Variants in SLCO2A1 observed in about 807,000 individuals in gnomAD.
The protein encoded by SLCO2A1 is solute carrier organic anion transporter family member 2A1.
Under a neutral mutation model 71.7 loss-of-function variants are expected in SLCO2A1, and 60 were observed. The ratio of observed to expected loss-of-function variants is 0.84; its 90% confidence interval spans 0.68 to 1.04. The LOEUF (loss-of-function observed/expected upper bound fraction) is 1.04, where lower values mean the gene tolerates loss of function less well. SLCO2A1 is among the 50% of genes least tolerant of loss of function. The pLI is 0.00. For synonymous variants in SLCO2A1, 308 were observed against 326.7 expected, an observed-to-expected ratio of 0.94 and a Z score of 0.62; for missense variants, 745 against 813.4, an observed-to-expected ratio of 0.92 and a Z score of 1.02.
intron 3 of SLCO2A1, among the ~76,000 whole-genome samples, chr3:133,969,197 C>T (rs568359403): frequency 1.4e-4 from 21 of 152,212 alleles, no homozygotes; most frequent in Admixed American, 1.3e-3. Context: ...TTTGGGAGGC[C>T]GAGGTGGGTG....
At chr3:133,997,684 T>A (rs978536060) in intron 1 of SLCO2A1, among the ~76,000 whole-genome samples, 8 of 152,216 alleles carry the variant, frequency 5.3e-5, no homozygotes, top group Admixed American at 1.3e-4. Flanking sequence ...TCCAGAACTG[T>A]GAGAGAATAC....
At chr3:133,998,329 T>C (rs564433642) in intron 1 of SLCO2A1, among the ~76,000 whole-genome samples, 1 of 152,366 alleles carries the variant, frequency 6.6e-6, no homozygotes, top group Non-Finnish European at 1.5e-5. Context: ...AATTCGTCTG[T>C]TACTCAGTTA....
intron 8 of SLCO2A1, 119 bp from the exon 9 acceptor site, chr3:133,947,564 G>T: frequency 1.2e-6 from 1 of 826,358 alleles, no homozygotes; most frequent in Non-Finnish European, 1.9e-6. Flanking sequence ...CATTTGGTAT[G>T]TTAAATTGTA....
chr3:133,951,901 C>T (rs536216176), intron 5 of SLCO2A1, among the ~76,000 whole-genome samples: 30 of 152,314 alleles, frequency 2.0e-4, no homozygotes, highest in African/African-American at 7.0e-4. Context: ...GGATCCCTAA[C>T]AAAGGAGGCC....
intron 3 of SLCO2A1, among the ~76,000 whole-genome samples, chr3:133,963,152 C>T (rs1385769544): frequency 1.3e-5 from 2 of 152,174 alleles, no homozygotes; most frequent in African/African-American, 4.8e-5. Flanking sequence ...TGACTCACTC[C>T]ACCATTTAAA....
chr3:133,953,936 CAT>C (rs970589903), intron 4 of SLCO2A1, among the ~76,000 whole-genome samples, 175 bp from the exon 5 acceptor site: 4 of 152,088 alleles, frequency 2.6e-5, no homozygotes, highest in African/African-American at 9.7e-5. Flanking sequence ...GATTCCAAGA[CAT>C]ATAGAACCAA....
At chr3:134,010,631 G>A (rs1935316202) in intron 1 of SLCO2A1, among the ~76,000 whole-genome samples, 1 of 151,760 alleles carries the variant, frequency 6.6e-6, no homozygotes. Context: ...GCACGCACCT[G>A]TAATTCCAGC....
chr3:134,020,166 C>T lies in SLCO2A1; in HGVS notation c.96+9541G>A, dbSNP rs182589477. On this transcript the variant is annotated intron_variant, in intron 1 of 13. Transcript: ENST00000310926. ...CCTGCTTGCTCAATGGATCATGACC[C>T]GCTCATGTGCACCCCCTTAGAGTTG... Among the ~76,000 whole-genome samples, 123 of 152,208 alleles carry T rather than the reference C, an allele frequency of 8.1e-4. 2 individuals are homozygous for T. Among genetic ancestry groups the T allele is most frequent in the South Asian group, 3.3e-3 (16 of 4,810 alleles).
rs1479533439 is a variant in SLCO2A1, at chr3:133,965,377, G to A, written c.397+8286C>T. On this transcript the variant is annotated intron_variant, in intron 3 of 13. Transcript: ENST00000310926. ...CCGGCTCGGGTGCCCGTGGGCCAGC[G>A]TCACCCAGAAAGAAGCTGCTCTGAG... 5.3e-5 allele frequency among the ~76,000 whole-genome samples: 8 copies of A among 152,318 alleles called. 1 individual carries two copies. In the South Asian group the frequency reaches 6.2e-4, roughly 12 times the overall value.
At chr3:133,984,587 C>T (rs1053947048) in intron 1 of SLCO2A1, among the ~76,000 whole-genome samples, 3 of 152,154 alleles carry the variant, frequency 2.0e-5, no homozygotes, top group Non-Finnish European at 4.4e-5. Flanking sequence ...ACCATGACCT[C>T]GGCTGCTCGA....
At chr3:133,947,030 GCTTGAACCTGGGAGAATCA>G (rs1176708634) in intron 9 of SLCO2A1, among the ~76,000 whole-genome samples, 3 of 151,940 alleles carry the variant, frequency 2.0e-5, no homozygotes, top group East Asian at 1.9e-4. Flanking sequence ...CATGAGAATT[GCTTGAACCTGGGAGAATCA>G]CTTGAACCTG....
chr3:133,995,236 A>G (rs1934940688), intron 1 of SLCO2A1, among the ~76,000 whole-genome samples: 1 of 152,150 alleles, frequency 6.6e-6, no homozygotes, highest in Non-Finnish European at 1.5e-5. Flanking sequence ...AAATAGAATC[A>G]TATAGTGTGT....
At chr3:133,950,740 G>T (rs1422558083) in intron 6 of SLCO2A1, among the ~76,000 whole-genome samples, 2 of 152,194 alleles carry the variant, frequency 1.3e-5, no homozygotes, top group Non-Finnish European at 2.9e-5. Flanking sequence ...ACTGGAAGAT[G>T]CTTGGAAGGT....
chr3:133,942,470 G>T, intron 11 of SLCO2A1, 135 bp downstream of exon 11: 1 of 912,602 alleles, frequency 1.1e-6, no homozygotes, highest in Non-Finnish European at 1.6e-6. Context: ...AAAGAACCTT[G>T]CACATTGTCA....
chr3:133,945,365 T>A, intron 9 of SLCO2A1, 105 bp from the exon 10 acceptor site: 1 of 1,156,036 alleles, frequency 8.7e-7, no homozygotes, highest in Non-Finnish European at 1.2e-6. Context: ...TGTCTGTGCA[T>A]CTTTATTTCT....
chr3:134,018,249 T>C (rs1243769512), intron 1 of SLCO2A1, among the ~76,000 whole-genome samples: 2 of 152,206 alleles, frequency 1.3e-5, no homozygotes, highest in Non-Finnish European at 2.9e-5. Flanking sequence ...GGAGTGGGCA[T>C]ATCTTAACTC....
chr3:133,993,485 A>G (rs1934898303), intron 1 of SLCO2A1, among the ~76,000 whole-genome samples: 1 of 152,272 alleles, frequency 6.6e-6, no homozygotes, highest in Non-Finnish European at 1.5e-5. Flanking sequence ...AGATTGAAAA[A>G]AAATTCTGGA....
intron 2 of SLCO2A1, 46 bp from the exon 3 acceptor site, chr3:133,973,871 T>C: frequency 6.4e-7 from 1 of 1,564,396 alleles, no homozygotes; most frequent in Non-Finnish European, 8.7e-7. Context: ...GGCCCTGTCC[T>C]CACCCACCCA....
chr3:133,974,858 G>C (rs1022315031), intron 2 of SLCO2A1, among the ~76,000 whole-genome samples: 2 of 152,144 alleles, frequency 1.3e-5, no homozygotes, highest in Non-Finnish European at 2.9e-5. Flanking sequence ...TTTCCTCCTG[G>C]GTGGAGAAAC....
Sources: allele counts gnomAD v4.1 joint callset (sites outside exome capture counted in the v4.1 genomes callset), GRCh38; gene constraint gnomAD v4.1.1; transcripts MANE v1.5; gene names NCBI Gene and HGNC (gene_info 2026-07-23, HGNC 2026-07-21).